SYNE1: variants seen among roughly 807,000 people sequenced by gnomAD.
SYNE1 encodes nesprin-1.
SYNE1 carries 616 observed loss-of-function variants against 1,111.0 expected under a neutral mutation model. That is an observed-to-expected ratio of 0.55 (90% CI 0.52 to 0.59). SYNE1 has a LOEUF of 0.59. Ranked by LOEUF, SYNE1 falls within the 20% of genes least tolerant of loss-of-function variation. The pLI is 0.00. For synonymous variants in SYNE1, 3,855 were observed against 3,825.8 expected (o/e 1.01, Z -0.28); for missense variants, 10,006 against 10,417.0 (o/e 0.96, Z 1.72).
chr6:152,531,913 G>C (rs2099204211), intron 4 of SYNE1, among the ~76,000 whole-genome samples: 1 of 152,156 alleles, frequency 6.6e-6, no homozygotes, highest in Non-Finnish European at 1.5e-5. Context: ...ATGGGCATCT[G>C]CATTGTTTCC....
chr6:152,175,723 A>C (rs1226023812), intron 130 of SYNE1, among the ~76,000 whole-genome samples: 6 of 152,234 alleles, frequency 3.9e-5, no homozygotes, highest in African/African-American at 1.4e-4. Flanking sequence ...TTAATAGCAT[A>C]GAACATTTTT....
rs185959286 is a variant in SYNE1 at position 152,619,011 on chromosome 6, A to G, written c.67+9254T>C. Among the ~76,000 whole-genome samples, 6 of 151,504 alleles carry G rather than the reference A, an allele frequency of 4.0e-5. No individual in the cohort carries two copies. In the East Asian group the frequency reaches 1.2e-3, roughly 29 times the overall value. On this transcript the variant is annotated intron_variant, in intron 3 of 145. Transcript: ENST00000367255. ...GCTTAATTAAACTACAGACTGTCAT[A>G]CAAAGATCAGAAACTAGGTATTTAG... is the stretch of plus-strand genomic sequence containing the variant.
chr6:152,635,908 C>T (rs1014774831), intron 2 of SYNE1, among the ~76,000 whole-genome samples: 1 of 152,152 alleles, frequency 6.6e-6, no homozygotes, highest in Non-Finnish European at 1.5e-5. Context: ...GGATCCCAGT[C>T]AGCACACCCA....
chr6:152,347,058 C>T lies in SYNE1; in HGVS notation c.12078+1G>A. ...CTGTGGAATGTTCTGGGGGCACTCA[C>T]CCTCTGAGCTGTGCTGCAGATCGCT... On this transcript the variant is annotated splice_donor_variant, in intron 73 of 145. Coordinates refer to ENST00000367255, the MANE Select transcript of SYNE1 (RefSeq NM_182961.4). LOFTEE classifies it high-confidence loss of function. The T allele has an allele frequency of 6.2e-7, 1 of 1,614,108 alleles. No individual in the cohort carries two copies. The highest frequency in any genetic ancestry group is 2.2e-5 in the East Asian group (1 of 44,884).
chr6:152,466,414 G>A (rs953466411), intron 16 of SYNE1, among the ~76,000 whole-genome samples: 1 of 152,174 alleles, frequency 6.6e-6, no homozygotes, highest in Non-Finnish European at 1.5e-5. Flanking sequence ...ACATTTTAAA[G>A]TGTCCCACTG....
Position 152,190,233 on chromosome 6 carries a change from A to G in SYNE1, c.23146-826T>C, listed in dbSNP as rs562285011. Among the ~76,000 whole-genome samples the G allele has an allele frequency of 9.8e-5, 15 of 152,316 alleles. No homozygotes were observed. In the East Asian group the frequency reaches 2.9e-3, roughly 29 times the overall value. On this transcript the variant is annotated intron_variant, in intron 127 of 145. Coordinates refer to ENST00000367255, the MANE Select transcript of SYNE1 (RefSeq NM_182961.4). The stretch of plus-strand genomic sequence containing the variant: ...ACTCCTTATCCATTCAAGTTTTAAC[A>G]TGAGATTGCAGAAACTCAATCACAT...
intron 3 of SYNE1, among the ~76,000 whole-genome samples, chr6:152,624,946 TC>T (rs5880987): frequency 0.68 from 102,749 of 151,938 alleles, 34,830 homozygotes; most frequent in Non-Finnish European, 0.7. Flanking sequence ...AGCTGCATGC[TC>T]TTTATTAGTT....
At chr6:152,168,914 A>G (rs2064374204) in intron 130 of SYNE1, among the ~76,000 whole-genome samples, 2 of 152,132 alleles carry the variant, frequency 1.3e-5, no homozygotes, top group Admixed American at 6.5e-5. Flanking sequence ...AACTATATTC[A>G]TTTGCTCAGG....
At chr6:152,408,177 A>C (rs1220629860) in intron 44 of SYNE1, among the ~76,000 whole-genome samples, 1 of 152,204 alleles carries the variant, frequency 6.6e-6, no homozygotes. Flanking sequence ...AAGTAGGGGA[A>C]CCACTGTACA....
intron 2 of SYNE1, among the ~76,000 whole-genome samples, chr6:152,636,390 G>A (rs1019528906): frequency 1.3e-5 from 2 of 152,098 alleles, no homozygotes; most frequent in African/African-American, 2.4e-5. Context: ...ACTCAGAGAG[G>A]GGGATATTAA....
intron 80 of SYNE1, 41 bp from the exon 81 acceptor site, chr6:152,325,343 A>G: frequency 6.3e-7 from 1 of 1,592,750 alleles, no homozygotes; most frequent in Non-Finnish European, 8.6e-7. Flanking sequence ...GAGACAAGGG[A>G]GAGATCAATT....
Position 152,318,957 on chromosome 6 carries a change from C to T in SYNE1, c.16295G>A (p.Arg5432Gln), listed in dbSNP as rs200812806. The T allele has an allele frequency of 3.6e-4, 580 of 1,614,032 alleles. 1 individual carries two copies. Among genetic ancestry groups the T allele is most frequent in the Non-Finnish European group, 4.5e-4 (535 of 1,180,038 alleles). ...QSKATSQELS[R>Q]QIQKLAKDLT... Reference sequence around the variant, plus strand: ...GTCTTTAGCTAACTTCTGAATTTGCCGGCTGAGTTCCTGGCTCGTGGCCTT... The same window carrying T: ...GTCTTTAGCTAACTTCTGAATTTGCTGGCTGAGTTCCTGGCTCGTGGCCTT... The change falls in exon 85 of 146, where the codon CGG becomes CAG. Residue 5432 changes from arginine (R) to glutamine (Q), a missense_variant. By Grantham distance (43) the Arg-to-Gln change is conservative. Transcript: ENST00000367255.
chr6:152,630,835 T>A (rs2099696667), intron 2 of SYNE1, among the ~76,000 whole-genome samples: 1 of 152,230 alleles, frequency 6.6e-6, no homozygotes, highest in Admixed American at 6.5e-5. Flanking sequence ...GAAATCACTC[T>A]GCCTCTATCC....
chr6:152,544,760 T>C (rs17082779), intron 3 of SYNE1, among the ~76,000 whole-genome samples: 6,020 of 152,278 alleles, frequency 0.04, 394 homozygotes, highest in African/African-American at 0.14. Flanking sequence ...TGAGTTATAC[T>C]AATAGTCACC....
intron 51 of SYNE1, among the ~76,000 whole-genome samples, chr6:152,394,744 A>G (rs1328028705): frequency 1.3e-5 from 2 of 151,716 alleles, no homozygotes. Flanking sequence ...TGTGAATAAC[A>G]TATGGAAATT....
intron 3 of SYNE1, among the ~76,000 whole-genome samples, chr6:152,575,196 T>C (rs368737816): frequency 6.6e-6 from 1 of 152,202 alleles, no homozygotes; most frequent in Non-Finnish European, 1.5e-5. Context: ...AAAGGACTAT[T>C]TCAAGGAGCA....
chr6:152,325,157 A>C lies in SYNE1; in HGVS notation c.15584T>G (p.Leu5195Arg), dbSNP rs758161214. The C allele has an allele frequency of 6.2e-6, 10 of 1,614,208 alleles. No individual in the cohort carries two copies. Among genetic ancestry groups the C allele is most frequent in the Non-Finnish European group, 8.5e-6 (10 of 1,180,042 alleles). Residue 5195 changes from leucine (L) to arginine (R), a missense_variant, in exon 81 of 146, where the codon CTT becomes CGT. Transcript: ENST00000367255. ...MTTVWQRWTR[L>R]RAVAQDQEKI... ...CTCCTGGTCCTGGGCCACAGCTCGA[A>C]GGCGTGTCCAGCGCTGCCAGACGGT...
chr6:152,132,169 A>T lies in SYNE1; in HGVS notation c.26047T>A (p.Ser8683Thr), dbSNP rs2152705775. ...SSADELDTSG[S>T]VSPTSGRSTP... The stretch of plus-strand genomic sequence containing the variant: ...CTCCTTCCTGATGTGGGACTCACAG[A>T]CCCTGAGGTGTCCAGTTCATCAGCA... Residue 8683 changes from serine to threonine, a missense_variant, in exon 144 of 146, where the codon TCT (serine) becomes ACT (threonine). Physicochemically the swap from Ser to Thr is moderately conservative, Grantham distance 58. Around this residue, in one of 7 missense-constraint regions of SYNE1, gnomAD observed 761 missense variants for 795.5 expected, o/e 0.96. Transcript: ENST00000367255. 1.2e-6 allele frequency: 2 copies of T among 1,614,170 alleles called. No homozygotes were observed. The highest frequency in any genetic ancestry group is 4.5e-5 in the East Asian group (2 of 44,876).
rs2099496043 is a variant in SYNE1 at position 152,576,257 on chromosome 6, A to G, written c.68-36236T>C. Among the ~76,000 whole-genome samples the G allele has an allele frequency of 2.0e-5, 3 of 152,330 alleles. No individual in the cohort carries two copies. In the South Asian group the frequency reaches 6.2e-4, roughly 32 times the overall value. ...GTGAGCCAGTGTTCAAGGTCCAACTACAGATTGGGAATAAGGAATTACTAG... is the reference window on the plus strand; with the variant it reads ...GTGAGCCAGTGTTCAAGGTCCAACTGCAGATTGGGAATAAGGAATTACTAG... On this transcript the variant is annotated intron_variant, in intron 3 of 145. Coordinates refer to ENST00000367255, the MANE Select transcript of SYNE1 (RefSeq NM_182961.4).
Sources: gnomAD v4.1 joint callset for allele counts (sites outside exome capture counted in the v4.1 genomes callset) on GRCh38, gnomAD v4.1.1 for gene constraint, gnomAD v4.1.1 regional missense constraint, MANE v1.5 for transcripts, NCBI Gene and HGNC (gene_info 2026-07-23, HGNC 2026-07-21) for gene names.